Variants in NRXN2 observed in about 807,000 individuals in gnomAD.
The protein encoded by NRXN2 is neurexin-2-beta.
NRXN2 carries 29 observed loss-of-function variants against 128.8 expected under a neutral mutation model. That is an observed-to-expected ratio of 0.23 (90% CI 0.17 to 0.31). NRXN2 has a LOEUF of 0.31. Ranked by LOEUF, NRXN2 falls within the 10% of genes least tolerant of loss-of-function variation. The pLI, the probability that NRXN2 is intolerant of heterozygous loss-of-function variation, is 1.00. For missense variants in NRXN2, 1,881 were observed against 2,452.6 expected, an observed-to-expected ratio of 0.77 and a Z score of 4.92; for synonymous variants, 1,098 against 1,075.2, an observed-to-expected ratio of 1.02 and a Z score of -0.41.
intron 2 of NRXN2, among the ~76,000 whole-genome samples, chr11:64,711,448 A>G (rs552409157): frequency 2.2e-4 from 34 of 152,172 alleles, no homozygotes; most frequent in African/African-American, 7.2e-4. Context: ...GCCAGACCCT[A>G]ATGGAAGAGG....
At chr11:64,691,247 G>A (rs535606) in intron 4 of NRXN2, among the ~76,000 whole-genome samples, 9,836 of 152,244 alleles carry the variant, frequency 0.065, 1,101 homozygotes, top group African/African-American at 0.22. Context: ...GCTCAGCCTG[G>A]ATGTGGGCAA....
intron 2 of NRXN2, among the ~76,000 whole-genome samples, chr11:64,712,103 C>CA (rs1297560902): frequency 6.6e-6 from 1 of 152,202 alleles, no homozygotes; most frequent in African/African-American, 2.4e-5. Flanking sequence ...AAAGCCCCGC[C>CA]ACACGGCCTC....
intron 2 of NRXN2, among the ~76,000 whole-genome samples, chr11:64,706,861 G>T (rs1335591644): frequency 2.6e-5 from 4 of 151,984 alleles, no homozygotes; most frequent in Non-Finnish European, 4.4e-5. Context: ...TTGCTTGTAA[G>T]AGTAACTACC....
At chr11:64,661,890 C>T (rs1446868676) in intron 9 of NRXN2, among the ~76,000 whole-genome samples, 9 of 152,062 alleles carry the variant, frequency 5.9e-5, no homozygotes, top group Non-Finnish European at 8.8e-5. Context: ...CCAGGGCCTG[C>T]GGGGCAGGAC....
At chr11:64,629,752 AT>A (rs2043597829) in intron 19 of NRXN2, among the ~76,000 whole-genome samples, 1 of 152,176 alleles carries the variant, frequency 6.6e-6, no homozygotes, top group African/African-American at 2.4e-5. Context: ...AACAAAGGTT[AT>A]TGAACGCACA....
chr11:64,705,974 CTT>C (rs2056208088), intron 2 of NRXN2, among the ~76,000 whole-genome samples: 2 of 140,704 alleles, frequency 1.4e-5, no homozygotes, highest in Non-Finnish European at 3.0e-5. Flanking sequence ...CTCAATATCT[CTT>C]GTGTGACCTA....
At position 64,648,663 on chromosome 11, in the gene NRXN2, C is replaced by T. The variant is rs1279619159; in HGVS notation, c.3283+71G>A. ...CTTGGCAGAGCAAAGGCTACCTGCCCCGGTCTGCCTCTGCAGCTGGCCATC... is the reference window on the plus strand; with the variant it reads ...CTTGGCAGAGCAAAGGCTACCTGCCTCGGTCTGCCTCTGCAGCTGGCCATC... On this transcript the variant is annotated intron_variant, in intron 16 of 22. Coordinates refer to ENST00000265459, the MANE Select transcript of NRXN2 (RefSeq NM_015080.4). This position sits in a 1 kb window ranked among gnomAD's most constrained non-coding sequence, Gnocchi z 4.1. The T allele has an allele frequency of 6.3e-7, 1 of 1,591,246 alleles. No homozygotes were observed. Among genetic ancestry groups the T allele is most frequent in the Non-Finnish European group, 8.6e-7 (1 of 1,161,236 alleles).
chr11:64,624,636 ATCGAACAGGTTTCTT>A (rs2042845396), intron 20 of NRXN2, among the ~76,000 whole-genome samples: 3 of 152,252 alleles, frequency 2.0e-5, no homozygotes, highest in African/African-American at 7.2e-5. Flanking sequence ...ACATTTCACA[ATCGAACAGGTTTCTT>A]TCTCCAAGGG....
intron 17 of NRXN2, among the ~76,000 whole-genome samples, chr11:64,647,239 ATG>A (rs1565284968): frequency 1.4e-5 from 2 of 143,304 alleles, no homozygotes; most frequent in Middle Eastern, 3.5e-3. Context: ...GTGTGTGTGC[ATG>A]TGTGTGTGCG....
intron 22 of NRXN2, among the ~76,000 whole-genome samples, chr11:64,616,417 C>T (rs1386423699): frequency 6.6e-6 from 1 of 152,136 alleles, no homozygotes; most frequent in Admixed American, 6.5e-5. Context: ...AACATGCATA[C>T]AGGTCTCTGC....
intron 2 of NRXN2, among the ~76,000 whole-genome samples, chr11:64,710,302 C>T (rs2056771280): frequency 6.6e-6 from 1 of 152,134 alleles, no homozygotes; most frequent in Non-Finnish European, 1.5e-5. Context: ...TCTCTCACAG[C>T]TTCACCACAG....
In NRXN2 at chr11:64,623,392, CCT is replaced by C. The variant is rs140470158; in HGVS notation, c.3848-316_3848-315del. On this transcript the variant is annotated intron_variant, in intron 20 of 22. Coordinates refer to ENST00000265459, the MANE Select transcript of NRXN2 (RefSeq NM_015080.4). The surrounding 1 kb of genome is among the most constrained non-coding windows in gnomAD (Gnocchi z 4.9). ...CCTTCCCACCTTCCCCATTCCCTCTCCTCTCCAGCTCCAAGGTCATCTCCCCT... is the reference window on the plus strand; with the variant it reads ...CCTTCCCACCTTCCCCATTCCCTCTCCTCCAGCTCCAAGGTCATCTCCCCT... The C allele has an allele frequency of 4.1e-3, 1,863 of 451,188 alleles. 13 individuals are homozygous for C. The highest frequency in any genetic ancestry group is 6.6e-3 in the Non-Finnish European group (1,619 of 245,816). The allele number at this position is 451,188 out of a possible 1,614,324, so 27.9% of individuals were successfully genotyped here. A position where few individuals can be genotyped will look rare whatever the true frequency, so the allele number is the denominator to read the frequency against.
chr11:64,702,163 G>A (rs1167589594), intron 2 of NRXN2, among the ~76,000 whole-genome samples: 8 of 148,950 alleles, frequency 5.4e-5, no homozygotes, highest in South Asian at 4.3e-4. Context: ...CAGCCGCCCC[G>A]TCCGGGAGGG....
rs1432494966 is a variant in NRXN2, at chr11:64,668,571, T to A, written c.1231A>T (p.Thr411Ser). 1 of 1,612,452 alleles carries A rather than the reference T, an allele frequency of 6.2e-7. No homozygotes were observed. The highest frequency in any genetic ancestry group is 1.7e-5 in the Admixed American group (1 of 59,910). The change falls in exon 8 of 23, where the codon ACA (threonine) becomes TCA (serine). Residue 411 changes from threonine (T) to serine (S), a missense_variant. This residue lies in a region of NRXN2 where 997 missense variants were observed against 1,240.8 expected (regional missense o/e 0.80). Transcript: ENST00000265459. Reference protein sequence around the residue: ...TISVDGILTTTGYTQEDYTML... With the variant: ...TISVDGILTTSGYTQEDYTML... Reference sequence around the variant, plus strand: ...GTGTAATCCTCCTGCGTGTAGCCTGTGGTGGTCAGGATCCCGTCCACCGAG... The same window carrying A: ...GTGTAATCCTCCTGCGTGTAGCCTGAGGTGGTCAGGATCCCGTCCACCGAG...
In NRXN2 at chr11:64,632,216, G is replaced by GT. The variant is rs1398312803; in HGVS notation, c.3586-1644dup. Among the ~76,000 whole-genome samples the GT allele has an allele frequency of 2.0e-5, 3 of 152,172 alleles. No individual in the cohort carries two copies. The highest frequency in any genetic ancestry group is 7.2e-5 in the African/African-American group (3 of 41,424). On this transcript the variant is annotated intron_variant, in intron 18 of 22. Coordinates refer to ENST00000265459, the MANE Select transcript of NRXN2 (RefSeq NM_015080.4). This position sits in a 1 kb window ranked among gnomAD's most constrained non-coding sequence, Gnocchi z 4.2. The stretch of plus-strand genomic sequence containing the variant: ...TGTCCTATCCCTTCCCACTTGTGGG[G>GT]TCCAGTTGTCTCCTTCTCAGAACCT...
chr11:64,615,218 C>G (rs1157110687), intron 22 of NRXN2, among the ~76,000 whole-genome samples: 1 of 152,222 alleles, frequency 6.6e-6, no homozygotes, highest in Non-Finnish European at 1.5e-5. Context: ...CACCACAACT[C>G]AGGAAGTCAC....
At chr11:64,657,597 G>A (rs761166141) in intron 11 of NRXN2, among the ~76,000 whole-genome samples, 1 of 151,974 alleles carries the variant, frequency 6.6e-6, no homozygotes, top group Non-Finnish European at 1.5e-5. Context: ...CCATTTTAAA[G>A]ATTAAAAAAA....
chr11:64,701,612 G>A (rs1292950686), intron 2 of NRXN2, among the ~76,000 whole-genome samples: 1 of 152,198 alleles, frequency 6.6e-6, no homozygotes, highest in Non-Finnish European at 1.5e-5. Flanking sequence ...AATGGCTCGT[G>A]TCAGTACTCC....
intron 17 of NRXN2, chr11:64,637,329 G>C (rs2044876116): frequency 6.6e-6 from 1 of 152,238 alleles, no homozygotes; most frequent in Non-Finnish European, 1.5e-5. Context: ...CCTCAGGATG[G>C]GGCCCCAAGT....
Sources: allele counts gnomAD v4.1 joint callset (sites outside exome capture counted in the v4.1 genomes callset), GRCh38; gene constraint gnomAD v4.1.1; regional missense constraint gnomAD v4.1.1; non-coding constraint Gnocchi (gnomAD v3.1); transcripts MANE v1.5; gene names NCBI Gene and HGNC (gene_info 2026-07-23, HGNC 2026-07-21).